The following SLC27A4 variants were observed in gnomAD, a reference collection of about 807,000 sequenced individuals.
The protein encoded by SLC27A4 is solute carrier family 27 member 4, also known as long-chain fatty acid transport protein 4.
SLC27A4 carries 33 observed loss-of-function variants against 64.4 expected under a neutral mutation model. The observed-to-expected ratio is 0.51, with a 90% CI of 0.39 to 0.68. SLC27A4 has a LOEUF of 0.68. Among genes scored for constraint, SLC27A4 ranks in the 30% least tolerant of loss-of-function variants. The pLI is 0.00. For synonymous variants in SLC27A4, 377 were observed against 370.0 expected, an observed-to-expected ratio of 1.02 and a Z score of -0.22; for missense variants, 824 against 883.5, an observed-to-expected ratio of 0.93 and a Z score of 0.85.
At position 128,349,011 on chromosome 9, in the gene SLC27A4, C is replaced by T. The variant is rs1033744861; in HGVS notation, c.715+308C>T. 1.1e-3 allele frequency among the ~76,000 whole-genome samples: 128 copies of T among 112,692 alleles called. 1 individual carries two copies. The highest frequency in any genetic ancestry group is 0.011 in the Middle Eastern group (1 of 90). The allele number at this position is 112,692 out of a possible 152,430, so 73.9% of individuals were successfully genotyped here. ...CTAATGGGCAGAATCCTGTGGACTC[C>T]GGGAACCTGCCTGGTCTGGGCTTTG... is the stretch of plus-strand genomic sequence containing the variant. On this transcript the variant is annotated intron_variant, in intron 4 of 12. Transcript: ENST00000300456.
rs1832903522 is a variant in SLC27A4 at position 128,361,178 on chromosome 9, G to A, written c.*687G>A. The stretch of plus-strand genomic sequence containing the variant: ...CCTGGCTATGAGGGGAGGAGGAATG[G>A]GAGAGGGGGCTCAGGGGCCAATAAA... On this transcript the variant is annotated 3_prime_UTR_variant, in exon 13 of 13. Transcript: ENST00000300456. 6.4e-6 allele frequency: 1 copy of A among 155,266 alleles called. No homozygotes were observed. The highest frequency in any genetic ancestry group is 1.9e-4 in the East Asian group (1 of 5,208). 9.6% of individuals were successfully genotyped at this position (155,266 alleles called of 1,614,324 possible).
chr9:128,341,522 C>CTCGAT (rs1256681702), intron 1 of SLC27A4, among the ~76,000 whole-genome samples: 1 of 152,174 alleles, frequency 6.6e-6, no homozygotes, highest in Non-Finnish European at 1.5e-5. Context: ...CCTCGCCTCC[C>CTCGAT]TCAATCAGCT....
In SLC27A4 at chr9:128,343,161, T is replaced by C; in HGVS notation, c.29T>C (p.Val10Ala). 1 of 1,613,844 alleles carries C rather than the reference T, an allele frequency of 6.2e-7. No homozygotes were observed. Among genetic ancestry groups the C allele is most frequent in the Non-Finnish European group, 8.5e-7 (1 of 1,179,974 alleles). MLLGASLVG[V>A]LLFSKLVLKL... is the part of the protein sequence containing the mutation. Reference sequence around the variant, plus strand: ...CTGCTTGGAGCCTCTCTGGTGGGGGTGCTGCTGTTCTCCAAGCTGGTGCTG... The same window carrying C: ...CTGCTTGGAGCCTCTCTGGTGGGGGCGCTGCTGTTCTCCAAGCTGGTGCTG... The change falls in exon 2 of 13, where the codon GTG (valine) becomes GCG (alanine). Residue 10 changes from valine to alanine, a missense_variant. Val to Ala is a moderately conservative substitution (Grantham distance 64). Coordinates refer to ENST00000300456, the MANE Select transcript of SLC27A4 (RefSeq NM_005094.4).
chr9:128,353,512 C>T lies in SLC27A4; in HGVS notation c.1295C>T (p.Pro432Leu). ...NEDTMELIRG[P>L]DGVCIPCQPG... The stretch of plus-strand genomic sequence containing the variant: ...GACACCATGGAGCTGATCCGGGGGC[C>T]CGACGGCGTCTGCATTCCCTGCCAG... Residue 432 changes from proline (P) to leucine (L), a missense_variant, in exon 9 of 13, where the codon CCC (proline) becomes CTC (leucine). Transcript: ENST00000300456. This position sits in a 1 kb window ranked among gnomAD's most constrained non-coding sequence, Gnocchi z 4.9. 1 of 1,614,076 alleles carries T rather than the reference C, an allele frequency of 6.2e-7. No homozygotes were observed. Among genetic ancestry groups the T allele is most frequent in the Non-Finnish European group, 8.5e-7 (1 of 1,180,024 alleles).
chr9:128,356,937 C>CAA (rs200905346), intron 12 of SLC27A4, among the ~76,000 whole-genome samples: 1 of 151,708 alleles, frequency 6.6e-6, no homozygotes, highest in Non-Finnish European at 1.5e-5. Context: ...ACCAAAAATA[C>CAA]AAAAAAATTA....
At chr9:128,352,102 G>A (rs1832745639) in intron 6 of SLC27A4, among the ~76,000 whole-genome samples, 1 of 151,992 alleles carries the variant, frequency 6.6e-6, no homozygotes, top group South Asian at 2.1e-4. Flanking sequence ...GGATGATGCA[G>A]GAGAATGGCA....
At chr9:128,342,397 A>AT in intron 1 of SLC27A4, 1 of 1,608,156 alleles carries the variant, frequency 6.2e-7, no homozygotes. Flanking sequence ...TGCATTGTAC[A>AT]TTCCACAAGT....
chr9:128,342,284 TGAA>T lies in SLC27A4; in HGVS notation c.-6-837_-6-835del, dbSNP rs1464748621. The T allele has an allele frequency of 4.3e-6, 7 of 1,611,614 alleles. No homozygotes were observed. In the East Asian group the frequency reaches 1.6e-4, roughly 36 times the overall value. The stretch of plus-strand genomic sequence containing the variant: ...ATTGAGAAATTCGATAAGTCGAAAC[TGAA>T]GAAGACAGAGATGCAAGAGAAAAAT... On this transcript the variant is annotated intron_variant, in intron 1 of 12. Transcript: ENST00000300456.
chr9:128,356,133 G>A (rs149571350), intron 12 of SLC27A4, among the ~76,000 whole-genome samples: 173 of 152,302 alleles, frequency 1.1e-3, no homozygotes, highest in African/African-American at 4.0e-3. Flanking sequence ...TCTGTCATGA[G>A]ATTAGAGTTA....
rs1016427154 is a variant in SLC27A4, at chr9:128,345,612, C to T, written c.556+63C>T. The T allele has an allele frequency of 4.0e-6, 6 of 1,498,562 alleles. No homozygotes were observed. Among genetic ancestry groups the T allele is most frequent in the Admixed American group, 2.1e-5 (1 of 46,652 alleles). 92.8% of individuals were successfully genotyped at this position (1,498,562 alleles called of 1,614,324 possible). A position where few individuals can be genotyped will look rare whatever the true frequency, so the allele number is the denominator to read the frequency against. On this transcript the variant is annotated intron_variant, in intron 3 of 12. Coordinates refer to ENST00000300456, the MANE Select transcript of SLC27A4 (RefSeq NM_005094.4). This position sits in a 1 kb window ranked among gnomAD's most constrained non-coding sequence, Gnocchi z 4.1. ...ATGGGATCTTACACAGACCACAGCT[C>T]CCTTCCAGCCCTGCCAAGGCTGTGT...
intron 3 of SLC27A4, among the ~76,000 whole-genome samples, chr9:128,346,986 C>T (rs1832667379): frequency 6.6e-6 from 1 of 151,978 alleles, no homozygotes; most frequent in South Asian, 2.1e-4. Flanking sequence ...GCCTGGATGA[C>T]AGAGAGAGGT....
chr9:128,346,064 C>T (rs966896664), intron 3 of SLC27A4, among the ~76,000 whole-genome samples: 1 of 152,040 alleles, frequency 6.6e-6, no homozygotes, highest in African/African-American at 2.4e-5. Flanking sequence ...CCATGCCTGG[C>T]TAAATTTCAC....
At chr9:128,347,710 TAAA>T (rs548281175) in intron 3 of SLC27A4, among the ~76,000 whole-genome samples, 1 of 103,278 alleles carries the variant, frequency 9.7e-6, no homozygotes. Context: ...AACTCTGTCT[TAAA>T]AAAAAAAAAA....
In SLC27A4 at chr9:128,340,834, G is replaced by A; in HGVS notation, c.-11G>A. 1.5e-6 allele frequency: 1 copy of A among 686,164 alleles called. No homozygotes were observed. The highest frequency in any genetic ancestry group is 2.1e-5 in the Admixed American group (1 of 48,358). The allele number at this position is 686,164 out of a possible 1,614,324, so 42.5% of individuals were successfully genotyped here. On this transcript the variant is annotated 5_prime_UTR_variant, in exon 1 of 13. Transcript: ENST00000300456. ...CGGGGCGCCGCGCGGCGGAGCCGAC[G>A]CCGGGTGAGCATAGACCGGGCTGGT... is the stretch of plus-strand genomic sequence containing the variant.
At chr9:128,341,749 C>T (rs12378508) in intron 1 of SLC27A4, among the ~76,000 whole-genome samples, 10 of 151,668 alleles carry the variant, frequency 6.6e-5, no homozygotes, top group African/African-American at 2.2e-4. Flanking sequence ...CTTTTTTTTT[C>T]TTTTTTTGAG....
intron 6 of SLC27A4, among the ~76,000 whole-genome samples, 156 bp from the exon 7 acceptor site, chr9:128,352,482 G>A (rs1832751820): frequency 6.6e-6 from 1 of 152,170 alleles, no homozygotes; most frequent in African/African-American, 2.4e-5. Context: ...AAGCCGGGGA[G>A]GCTTCTTGGA....
chr9:128,350,529 G>A lies in SLC27A4; in HGVS notation c.831G>A (p.Arg277=), dbSNP rs1193360198. The A allele has an allele frequency of 1.9e-6, 3 of 1,613,764 alleles. No individual in the cohort carries two copies. The highest frequency in any genetic ancestry group is 2.2e-5 in the East Asian group (1 of 44,886). Residue 277 remains arginine, a synonymous_variant, in exon 6 of 13, where the codon CGG becomes CGA. Coordinates refer to ENST00000300456, the MANE Select transcript of SLC27A4 (RefSeq NM_005094.4). The part of the protein sequence containing the change: ...AALVYYGFRM[R]PNDIVYDCLP... Reference sequence around the variant, plus strand: ...TGGTGTACTATGGATTCCGCATGCGGCCCAACGACATCGTCTATGACTGCC... The same window carrying A: ...TGGTGTACTATGGATTCCGCATGCGACCCAACGACATCGTCTATGACTGCC...
rs370815817 is a variant in SLC27A4 at position 128,353,258 on chromosome 9, G to A, written c.1197+24G>A. 27 of 1,612,314 alleles carry A rather than the reference G, an allele frequency of 1.7e-5. No homozygotes were observed. The highest frequency in any genetic ancestry group is 8.0e-5 in the African/African-American group (6 of 74,894). ...AGGTGCGGCCAGGTTGGGGATGGGC[G>A]AGGCTGCTGCAGGGATGGCCCACAG... On this transcript the variant is annotated intron_variant, in intron 8 of 12. Transcript: ENST00000300456. This position sits in a 1 kb window ranked among gnomAD's most constrained non-coding sequence, Gnocchi z 4.9.
chr9:128,345,820 C>A lies in SLC27A4; in HGVS notation c.556+271C>A, dbSNP rs528579657. ...TAGTGGCTCACAGCTGTAATCCCAG[C>A]ATGTTGGGAGGCCAAGGCAGGAGGA... On this transcript the variant is annotated intron_variant, in intron 3 of 12. Coordinates refer to ENST00000300456, the MANE Select transcript of SLC27A4 (RefSeq NM_005094.4). The surrounding 1 kb of genome is among the most constrained non-coding windows in gnomAD (Gnocchi z 4.1). Among the ~76,000 whole-genome samples the A allele has an allele frequency of 2.6e-5, 4 of 152,338 alleles. No homozygotes were observed. Among genetic ancestry groups the A allele is most frequent in the African/African-American group, 9.6e-5 (4 of 41,588 alleles).
Sources: allele counts gnomAD v4.1 joint callset (sites outside exome capture counted in the v4.1 genomes callset), GRCh38; gene constraint gnomAD v4.1.1; non-coding constraint Gnocchi (gnomAD v3.1); transcripts MANE v1.5; gene names NCBI Gene and HGNC (gene_info 2026-07-23, HGNC 2026-07-21).